Variants in FUT8 observed in about 807,000 individuals in gnomAD.
FUT8 encodes fucosyltransferase 8, also known as alpha-(1,6)-fucosyltransferase.
A neutral mutation model predicts 71.3 loss-of-function variants in FUT8; 29 were observed. That is an observed-to-expected ratio of 0.41 (90% CI 0.30 to 0.55). FUT8 has a LOEUF of 0.55. FUT8 is among the 20% of genes least tolerant of loss of function. The pLI, the probability that FUT8 is intolerant of heterozygous loss-of-function variation, is 0.34. For synonymous variants in FUT8, 254 were observed against 239.3 expected (o/e 1.06, Z -0.57); for missense variants, 544 against 702.1 (o/e 0.77, Z 2.55).
intron 6 of FUT8, among the ~76,000 whole-genome samples, chr14:65,631,796 TCACCTGAGCAGTATACACTG>T: frequency 6.6e-6 from 1 of 152,242 alleles, no homozygotes; most frequent in South Asian, 2.1e-4. Flanking sequence ...TGTGTGCCCA[TCACCTGAGCAGTATACACTG>T]CACCCTATTT....
Position 65,669,194 on chromosome 14 carries a change from C to A in FUT8, c.598-49C>A. On this transcript the variant is annotated intron_variant, in intron 6 of 10. Coordinates refer to ENST00000673929, the MANE Select transcript of FUT8 (RefSeq NM_001371533.1). This position sits in a 1 kb window ranked among gnomAD's most constrained non-coding sequence, Gnocchi z 4.5. ...ATTAAAAAAAAAAAAGAGCAGTTGACCTCTCTGTACAACTTATCTTTATTT... is the reference window on the plus strand; with the variant it reads ...ATTAAAAAAAAAAAAGAGCAGTTGAACTCTCTGTACAACTTATCTTTATTT... The A allele has an allele frequency of 7.3e-7, 1 of 1,371,620 alleles. No homozygotes were observed. Among genetic ancestry groups the A allele is most frequent in the Non-Finnish European group, 1.0e-6 (1 of 983,822 alleles). 85.0% of individuals were successfully genotyped at this position (1,371,620 alleles called of 1,614,324 possible). A position where few individuals can be genotyped will look rare whatever the true frequency, so the allele number is the denominator to read the frequency against.
intron 7 of FUT8, among the ~76,000 whole-genome samples, chr14:65,673,574 G>T (rs1049474516): frequency 6.6e-6 from 1 of 152,202 alleles, no homozygotes; most frequent in African/African-American, 2.4e-5. Context: ...CATGGTGGAA[G>T]AATTTTCTGT....
At chr14:65,376,023 G>A in the FUT8 span, among the ~76,000 whole-genome samples, 1 of 151,028 alleles carries the variant, frequency 6.6e-6, no homozygotes, top group East Asian at 1.9e-4. Context: ...CCAGGGAGGT[G>A]GAGGTTGCAG....
chr14:65,656,724 G>C (rs1891700045), intron 6 of FUT8, among the ~76,000 whole-genome samples: 3 of 151,784 alleles, frequency 2.0e-5, no homozygotes, highest in Admixed American at 1.3e-4. Flanking sequence ...ACTGCCTGAG[G>C]AAACTGGAGG....
At chr14:65,442,814 C>T (rs1382642887) in intron 1 of FUT8, among the ~76,000 whole-genome samples, 1 of 139,780 alleles carries the variant, frequency 7.2e-6, no homozygotes, top group African/African-American at 2.5e-5. Flanking sequence ...GAGTGAGACC[C>T]CATCTCATTA....
intron 7 of FUT8, among the ~76,000 whole-genome samples, chr14:65,700,486 G>A (rs371943764): frequency 1.2e-4 from 16 of 137,798 alleles, no homozygotes; most frequent in African/African-American, 3.0e-4. Flanking sequence ...CGCCTCCTGC[G>A]TACACACCAT....
chr14:65,376,561 C>A, the FUT8 span, among the ~76,000 whole-genome samples: 4 of 135,462 alleles, frequency 3.0e-5, 1 homozygote, highest in Admixed American at 2.2e-4. Flanking sequence ...TAGGCGCCCA[C>A]CACCATGCCT....
intron 2 of FUT8, among the ~76,000 whole-genome samples, chr14:65,495,464 T>C (rs979595007): frequency 6.6e-6 from 1 of 152,150 alleles, no homozygotes; most frequent in Non-Finnish European, 1.5e-5. Flanking sequence ...AAGGAGAGTG[T>C]GAACAAATGG....
chr14:65,604,385 G>A (rs1888460292), intron 3 of FUT8, among the ~76,000 whole-genome samples: 1 of 151,798 alleles, frequency 6.6e-6, no homozygotes, highest in African/African-American at 2.4e-5. Flanking sequence ...TAAGAAAACT[G>A]AAATTATATC....
chr14:65,606,704 T>A (rs1299511394), intron 3 of FUT8, among the ~76,000 whole-genome samples: 1 of 151,944 alleles, frequency 6.6e-6, no homozygotes, highest in Non-Finnish European at 1.5e-5. Flanking sequence ...AGTAAAACTT[T>A]GTTTTGTTTT....
At chr14:65,462,213 C>T (rs1356199069) in intron 2 of FUT8, among the ~76,000 whole-genome samples, 1 of 152,168 alleles carries the variant, frequency 6.6e-6, no homozygotes, top group Non-Finnish European at 1.5e-5. Flanking sequence ...CAGATAGGCT[C>T]TAACTTGTGA....
At chr14:65,575,573 T>C (rs2140093995) in intron 3 of FUT8, among the ~76,000 whole-genome samples, 1 of 2,756 alleles carries the variant, frequency 3.6e-4, no homozygotes, top group Middle Eastern at 0.12. Context: ...CCTTCTTTCC[T>C]TCCTTCCTTC....
intron 1 of FUT8, among the ~76,000 whole-genome samples, chr14:65,445,658 C>T (rs986616737): frequency 2.6e-5 from 4 of 152,186 alleles, no homozygotes; most frequent in Non-Finnish European, 5.9e-5. Flanking sequence ...GAACATGTGT[C>T]TACTTTATAA....
intron 2 of FUT8, among the ~76,000 whole-genome samples, chr14:65,545,002 T>C (rs1884907017): frequency 6.6e-6 from 1 of 151,828 alleles, no homozygotes; most frequent in Non-Finnish European, 1.5e-5. Context: ...CTCTCCTCTT[T>C]CTTCCCCTCC....
At chr14:65,657,575 A>G (rs1891743924) in intron 6 of FUT8, among the ~76,000 whole-genome samples, 1 of 152,190 alleles carries the variant, frequency 6.6e-6, no homozygotes, top group Non-Finnish European at 1.5e-5. Context: ...CCAGGCAAAG[A>G]AAGACACACT....
At chr14:65,368,210 C>G in the FUT8 span, among the ~76,000 whole-genome samples, 1 of 151,478 alleles carries the variant, frequency 6.6e-6, no homozygotes. Flanking sequence ...TGTGCCACCA[C>G]GCCCGGCTAA....
chr14:65,457,987 C>A (rs1256842320), intron 2 of FUT8: 2 of 151,946 alleles, frequency 1.3e-5, no homozygotes, highest in African/African-American at 4.8e-5. Flanking sequence ...TCGAGACCAT[C>A]CCGGCTAAAA....
chr14:65,562,705 G>GAA (rs10667458), intron 3 of FUT8, among the ~76,000 whole-genome samples: 106,252 of 151,730 alleles, frequency 0.7, 37,486 homozygotes, highest in East Asian at 0.9. Context: ...GTGGTATAGA[G>GAA]AAAGAGCTGA....
intron 2 of FUT8, among the ~76,000 whole-genome samples, chr14:65,520,781 T>C (rs1418124006): frequency 6.6e-6 from 1 of 152,156 alleles, no homozygotes; most frequent in African/African-American, 2.4e-5. Context: ...CATTATTCTT[T>C]TAAAACAAGT....
Sources: allele counts gnomAD v4.1 joint callset (sites outside exome capture counted in the v4.1 genomes callset), GRCh38; gene constraint gnomAD v4.1.1; non-coding constraint Gnocchi (gnomAD v3.1); transcripts MANE v1.5; gene names NCBI Gene and HGNC (gene_info 2026-07-23, HGNC 2026-07-21).